The following SOX6 variants were observed in gnomAD, a reference collection of about 807,000 sequenced individuals.
The protein encoded by SOX6 is SRY-box transcription factor 6.
In SOX6, 11 loss-of-function variants were observed where a neutral mutation model predicts 97.8. The ratio of observed to expected loss-of-function variants is 0.11; its 90% CI spans 0.07 to 0.19. SOX6 has a LOEUF of 0.19. SOX6 is among the 10% of genes least tolerant of loss of function. The pLI, the probability that SOX6 is intolerant of heterozygous loss-of-function variation, is 1.00. For synonymous variants in SOX6, 360 were observed against 371.4 expected (o/e 0.97, Z 0.35); for missense variants, 810 against 1,039.5 (o/e 0.78, Z 3.04).
intron 6 of SOX6, among the ~76,000 whole-genome samples, chr11:16,120,857 C>A (rs1354942783): frequency 6.6e-6 from 1 of 152,064 alleles, no homozygotes; most frequent in Non-Finnish European, 1.5e-5. Context: ...ACTTCACAGT[C>A]TAGCACTTTC....
chr11:16,427,489 C>A (rs1859169246), intron 1 of SOX6, among the ~76,000 whole-genome samples: 1 of 151,810 alleles, frequency 6.6e-6, no homozygotes, highest in Non-Finnish European at 1.5e-5. Context: ...ACTCCCCCCA[C>A]CCCACAACAG....
At chr11:16,305,809 GT>G (rs571218654) in intron 3 of SOX6, among the ~76,000 whole-genome samples, 43 of 146,288 alleles carry the variant, frequency 2.9e-4, no homozygotes, top group Admixed American at 7.5e-4. Context: ...AGTAAGCTGA[GT>G]TTTTTTTTTT....
At chr11:16,016,776 C>T (rs750775255) in intron 12 of SOX6, among the ~76,000 whole-genome samples, 1 of 151,982 alleles carries the variant, frequency 6.6e-6, no homozygotes, top group Admixed American at 6.6e-5. Flanking sequence ...CACATTGTTT[C>T]GCATTTCAAA....
chr11:16,388,073 G>T lies in SOX6; in HGVS notation c.-4-46821C>A, dbSNP rs1444999162. Among the ~76,000 whole-genome samples, 3 of 152,028 alleles carry T rather than the reference G, an allele frequency of 2.0e-5. No homozygotes were observed. The East Asian group carries it at 5.8e-4, about 29-fold the overall frequency. The stretch of plus-strand genomic sequence containing the variant: ...CCATCAAATATGATGTTAGTTGTAG[G>T]TTTTTCCTAGCCATCCTTTTCAGAT... On this transcript the variant is annotated intron_variant, in intron 1 of 15. Coordinates refer to the SOX6 transcript ENST00000396356.
intron 3 of SOX6, among the ~76,000 whole-genome samples, chr11:16,669,633 C>G (rs1157113563): frequency 1.3e-5 from 2 of 152,212 alleles, no homozygotes; most frequent in African/African-American, 4.8e-5. Context: ...GGGTTGCCAT[C>G]TTTGCTTTCT....
At chr11:16,360,414 C>A (rs1857181300), upstream of SOX6, among the ~76,000 whole-genome samples, 1 of 152,140 alleles carries the variant, frequency 6.6e-6, no homozygotes, top group Non-Finnish European at 1.5e-5. Flanking sequence ...ATTAGTTCAC[C>A]ATTGCATTCC....
At chr11:16,064,308 A>T (rs1419352267) in intron 9 of SOX6, among the ~76,000 whole-genome samples, 1 of 151,752 alleles carries the variant, frequency 6.6e-6, no homozygotes, top group Non-Finnish European at 1.5e-5. Flanking sequence ...GTATACAAAA[A>T]CTAACAGTAA....
At chr11:16,482,740 T>A (rs1311461039) in intron 4 of SOX6, among the ~76,000 whole-genome samples, 2 of 151,826 alleles carry the variant, frequency 1.3e-5, no homozygotes, top group Non-Finnish European at 2.9e-5. Flanking sequence ...ATAACCATCA[T>A]ACTTGAGTAT....
Position 16,300,658 on chromosome 11 carries a change from T to C in SOX6, c.445+17788A>G, listed in dbSNP as rs775309509. ...AAGCCCTGTTGCAAAACAGCAGGAA[T>C]GGCAGAGCAAGTGGGGCTAACGAAA... On this transcript the variant is annotated intron_variant, in intron 3 of 15. Transcript: ENST00000683767. The surrounding 1 kb of genome is among the most constrained non-coding windows in gnomAD (Gnocchi z 4.1). 6.6e-6 allele frequency among the ~76,000 whole-genome samples: 1 copy of C among 152,166 alleles called. No homozygotes were observed. Among genetic ancestry groups the C allele is most frequent in the Non-Finnish European group, 1.5e-5 (1 of 68,012 alleles).
At chr11:16,291,723 C>T (rs1854924303) in intron 3 of SOX6, among the ~76,000 whole-genome samples, 1 of 152,054 alleles carries the variant, frequency 6.6e-6, no homozygotes, top group Non-Finnish European at 1.5e-5. Context: ...TGTGCGTACA[C>T]ATTTTAAATG....
At chr11:16,632,829 G>A (rs1848730216) in intron 3 of SOX6, among the ~76,000 whole-genome samples, 1 of 152,220 alleles carries the variant, frequency 6.6e-6, no homozygotes, top group African/African-American at 2.4e-5. Context: ...CCTGCACCAA[G>A]ATTTCTGCAC....
chr11:16,186,706 A>G (rs1392384392), intron 5 of SOX6, 77 bp downstream of exon 5: 1 of 1,474,418 alleles, frequency 6.8e-7, no homozygotes, highest in Non-Finnish European at 9.5e-7. Flanking sequence ...ACAACAAATA[A>G]GCCAATCAAT....
chr11:16,514,952 G>T (rs1282476236), intron 4 of SOX6, among the ~76,000 whole-genome samples: 1 of 151,856 alleles, frequency 6.6e-6, no homozygotes, highest in Non-Finnish European at 1.5e-5. Context: ...ATCATTGTTG[G>T]ACACTTGGGT....
intron 6 of SOX6, 95 bp from the exon 7 acceptor site, chr11:16,112,018 C>T: frequency 6.8e-7 from 1 of 1,469,890 alleles, no homozygotes; most frequent in Non-Finnish European, 9.4e-7. Flanking sequence ...GGTACCCACA[C>T]AGCCACCCAC....
chr11:16,005,642 A>T (rs1854528520), intron 13 of SOX6, among the ~76,000 whole-genome samples: 1 of 152,030 alleles, frequency 6.6e-6, no homozygotes. Context: ...CCCACAGAAG[A>T]GTCAGCTTAT....
At chr11:16,599,986 T>C (rs1013294468) in intron 4 of SOX6, among the ~76,000 whole-genome samples, 1 of 152,126 alleles carries the variant, frequency 6.6e-6, no homozygotes, top group African/African-American at 2.4e-5. Flanking sequence ...AGGGGGTAGC[T>C]CAAAAAATAA....
chr11:16,374,020 A>C (rs1389362087), intron 1 of SOX6, among the ~76,000 whole-genome samples: 1 of 152,114 alleles, frequency 6.6e-6, no homozygotes, highest in African/African-American at 2.4e-5. Flanking sequence ...AAGGCTGTAC[A>C]TCATTGACCC....
intron 3 of SOX6, among the ~76,000 whole-genome samples, chr11:16,654,401 G>C (rs1847695712): frequency 1.3e-5 from 2 of 152,020 alleles, no homozygotes; most frequent in African/African-American, 4.8e-5. Context: ...CAAACTCCTG[G>C]GCTCAACCAA....
chr11:16,019,693 G>A (rs1854996673), intron 12 of SOX6, among the ~76,000 whole-genome samples: 1 of 151,896 alleles, frequency 6.6e-6, no homozygotes, highest in South Asian at 2.1e-4. Context: ...AGGTAAATAA[G>A]GATTTTGTTG....
Sources: allele counts gnomAD v4.1 joint callset (sites outside exome capture counted in the v4.1 genomes callset), GRCh38; gene constraint gnomAD v4.1.1; non-coding constraint Gnocchi (gnomAD v3.1); transcripts MANE v1.5; gene names NCBI Gene and HGNC (gene_info 2026-07-23, HGNC 2026-07-21).